Variants in FHIT observed in about 807,000 individuals in gnomAD.
FHIT encodes the protein fragile histidine triad diadenosine triphosphatase, also known as bis(5'-adenosyl)-triphosphatase.
FHIT carries 19 observed loss-of-function variants against 17.9 expected under a neutral mutation model. The observed-to-expected ratio is 1.06, with a 90% CI of 0.74 to 1.56. The LOEUF (loss-of-function observed/expected upper bound fraction) is 1.56. FHIT is among the 40% of genes most tolerant of loss of function. The pLI is 0.00. For synonymous variants in FHIT, 81 were observed against 69.7 expected (o/e 1.16, Z -0.81); for missense variants, 248 against 189.2 (o/e 1.31, Z -1.82).
At chr3:59,861,892 C>G (rs1040897758) in intron 8 of FHIT, among the ~76,000 whole-genome samples, 1 of 152,034 alleles carries the variant, frequency 6.6e-6, no homozygotes, top group Non-Finnish European at 1.5e-5. Flanking sequence ...AATATATTTT[C>G]TATGGCCTTT....
intron 8 of FHIT, among the ~76,000 whole-genome samples, chr3:59,835,442 A>G (rs551604498): frequency 1.8e-3 from 278 of 152,230 alleles, no homozygotes; most frequent in Non-Finnish European, 3.3e-3. Flanking sequence ...AACCATTTCT[A>G]CTATACTGCA....
At chr3:60,742,797 C>A (rs1297211981) in intron 4 of FHIT, among the ~76,000 whole-genome samples, 7 of 152,176 alleles carry the variant, frequency 4.6e-5, no homozygotes, top group Non-Finnish European at 1.0e-4. Flanking sequence ...TGTTCTGTAG[C>A]GCTTAAGGAT....
chr3:60,221,746 G>C (rs9862380), intron 5 of FHIT, among the ~76,000 whole-genome samples: 17,761 of 151,992 alleles, frequency 0.12, 1,080 homozygotes, highest in South Asian at 0.15. Context: ...CCTTCCCATA[G>C]ATCTTTTAAT....
At chr3:60,508,511 G>A (rs924537334) in intron 5 of FHIT, among the ~76,000 whole-genome samples, 16 of 152,152 alleles carry the variant, frequency 1.1e-4, no homozygotes, top group Non-Finnish European at 2.2e-4. Flanking sequence ...TGAATCTTAG[G>A]AAAACTCTTT....
intron 4 of FHIT, among the ~76,000 whole-genome samples, chr3:60,556,563 G>A (rs1314280647): frequency 6.6e-6 from 1 of 152,202 alleles, no homozygotes; most frequent in Non-Finnish European, 1.5e-5. Context: ...AGTAGACCTG[G>A]AGGAAAACAA....
chr3:60,994,310 G>C (rs545212698), intron 3 of FHIT, among the ~76,000 whole-genome samples: 2 of 152,080 alleles, frequency 1.3e-5, no homozygotes, highest in African/African-American at 4.8e-5. Flanking sequence ...TAACAGTTAC[G>C]CATGTCTTAA....
intron 4 of FHIT, among the ~76,000 whole-genome samples, chr3:60,786,354 C>T (rs1429395504): frequency 6.6e-6 from 1 of 152,142 alleles, no homozygotes; most frequent in African/African-American, 2.4e-5. Context: ...TATAATCTTG[C>T]TTTAGTTGAT....
At chr3:60,912,654 A>C in intron 3 of FHIT, 1 of 413,946 alleles carries the variant, frequency 2.4e-6, no homozygotes, top group Non-Finnish European at 4.6e-6. Flanking sequence ...ATCATCAGAG[A>C]TAACTCTAGA....
intron 2 of FHIT, among the ~76,000 whole-genome samples, chr3:61,046,058 C>A (rs763791792): frequency 6.6e-6 from 1 of 151,702 alleles, no homozygotes; most frequent in African/African-American, 2.4e-5. Context: ...AAGTTGACAC[C>A]CTAACATTAC....
chr3:59,951,955 T>G (rs79821022), intron 7 of FHIT, among the ~76,000 whole-genome samples: 12,987 of 149,714 alleles, frequency 0.087, 629 homozygotes, highest in Middle Eastern at 0.18. Context: ...CATGCCAATC[T>G]CTTTTTGTCA....
chr3:60,742,153 G>A (rs2042253597), intron 4 of FHIT, among the ~76,000 whole-genome samples: 1 of 152,174 alleles, frequency 6.6e-6, no homozygotes, highest in South Asian at 2.1e-4. Context: ...TCTTAGAAAG[G>A]ACCACATGAG....
In FHIT at chr3:59,812,506, C is replaced by T. The variant is rs528396053; in HGVS notation, c.349-60185G>A. On this transcript the variant is annotated intron_variant, in intron 8 of 9. Transcript: ENST00000492590. ...GCTGCATTATGGATGAGCTCATGTG[C>T]CATGGCAAACAGTTTAAGAACGATG... Among the ~76,000 whole-genome samples the T allele has an allele frequency of 2.0e-4, 30 of 152,220 alleles. No individual in the cohort carries two copies. In the Middle Eastern group the frequency reaches 0.017, roughly 86 times the overall value.
chr3:61,216,974 T>G (rs1417153555), intron 1 of FHIT, among the ~76,000 whole-genome samples: 159 of 127,298 alleles, frequency 1.2e-3, no homozygotes, highest in African/African-American at 4.3e-3. Flanking sequence ...AAGGGGAATA[T>G]CACACTCTGG....
chr3:61,178,334 C>T (rs1329865627), intron 2 of FHIT, among the ~76,000 whole-genome samples: 2 of 151,802 alleles, frequency 1.3e-5, no homozygotes, highest in African/African-American at 4.8e-5. Flanking sequence ...ACTTGCACAC[C>T]CAACAGAGGC....
At chr3:60,916,615 G>A (rs1240460374) in intron 3 of FHIT, among the ~76,000 whole-genome samples, 1 of 152,168 alleles carries the variant, frequency 6.6e-6, no homozygotes, top group Non-Finnish European at 1.5e-5. Flanking sequence ...TTAATTTGCA[G>A]ACCTTCTCAG....
In FHIT at chr3:60,172,352, A is replaced by G. The variant is rs572455809; in HGVS notation, c.104-158200T>C. On this transcript the variant is annotated intron_variant, in intron 5 of 9. Coordinates refer to ENST00000492590, the MANE Select transcript of FHIT (RefSeq NM_002012.4). ...ACAATCTCAGCTCACTGCAACCTCCATCTCCCAGGTTTGAGTGATTCTCCT... is the reference window on the plus strand; with the variant it reads ...ACAATCTCAGCTCACTGCAACCTCCGTCTCCCAGGTTTGAGTGATTCTCCT... 2.0e-5 allele frequency among the ~76,000 whole-genome samples: 3 copies of G among 152,002 alleles called. No individual in the cohort carries two copies. The East Asian group carries it at 5.8e-4, about 29-fold the overall frequency.
At chr3:61,243,999 A>G (rs1268475716) in intron 1 of FHIT, 2 of 152,104 alleles carry the variant, frequency 1.3e-5, no homozygotes, top group Non-Finnish European at 2.9e-5. Flanking sequence ...CCTTTTACCT[A>G]TTGGATTATA....
rs545614133 is a variant in FHIT at position 61,198,235 on chromosome 3, T to C, written c.-164+2382A>G. On this transcript the variant is annotated intron_variant, in intron 2 of 9. Transcript: ENST00000492590. ...AGCCAATCCATGGCAGAATGGAAAATAAGGTTTGGAGGCCATGACTACTAG... is the reference window on the plus strand; with the variant it reads ...AGCCAATCCATGGCAGAATGGAAAACAAGGTTTGGAGGCCATGACTACTAG... 5.9e-5 allele frequency among the ~76,000 whole-genome samples: 9 copies of C among 151,900 alleles called. 1 individual carries two copies. In the South Asian group the frequency reaches 1.9e-3, roughly 32 times the overall value.
rs150337146 is a variant in FHIT, at chr3:60,134,469, G to A, written c.104-120317C>T. Among the ~76,000 whole-genome samples, 720 of 152,272 alleles carry A rather than the reference G, an allele frequency of 4.7e-3. 10 individuals are homozygous for A. Among genetic ancestry groups the A allele is most frequent in the Middle Eastern group, 0.037 (11 of 294 alleles). ...AAGCAGGGAATCACAGTTTCTGGGCGTGGGGCCCACAGGCCTTTACAAAAC... is the reference window on the plus strand; with the variant it reads ...AAGCAGGGAATCACAGTTTCTGGGCATGGGGCCCACAGGCCTTTACAAAAC... On this transcript the variant is annotated intron_variant, in intron 5 of 9. Transcript: ENST00000492590.
Sources: allele counts gnomAD v4.1 joint callset (sites outside exome capture counted in the v4.1 genomes callset), GRCh38; gene constraint gnomAD v4.1.1; transcripts MANE v1.5; gene names NCBI Gene and HGNC (gene_info 2026-07-23, HGNC 2026-07-21).